METAP1D: variants seen among roughly 807,000 people sequenced by gnomAD.
METAP1D encodes methionyl aminopeptidase type 1D, mitochondrial.
METAP1D carries 31 observed loss-of-function variants against 40.5 expected under a neutral mutation model. The ratio of observed to expected loss-of-function variants is 0.77; its 90% CI spans 0.58 to 1.03. The LOEUF is 1.03. Ranked by LOEUF, METAP1D falls within the 50% of genes least tolerant of loss-of-function variation. METAP1D has a pLI of 0.00. For missense variants in METAP1D, 411 were observed against 420.7 expected (o/e 0.98, Z 0.20); for synonymous variants, 151 against 146.4 (o/e 1.03, Z -0.22).
intron 1 of METAP1D, among the ~76,000 whole-genome samples, chr2:172,052,251 T>A (rs750168943): frequency 5.9e-5 from 9 of 152,210 alleles, no homozygotes; most frequent in Non-Finnish European, 1.2e-4. Context: ...GCCAAAAAAA[T>A]GTTTTTTAAA....
intron 1 of METAP1D, among the ~76,000 whole-genome samples, chr2:172,035,398 T>TCGTG (rs113813981): frequency 8.5e-4 from 129 of 152,168 alleles, no homozygotes; most frequent in Middle Eastern, 3.4e-3. Flanking sequence ...TCTCCTGACC[T>TCGTG]CGTGATCCTA....
intron 1 of METAP1D, among the ~76,000 whole-genome samples, chr2:172,013,665 G>A (rs773988874): frequency 2.0e-5 from 3 of 152,072 alleles, no homozygotes; most frequent in African/African-American, 7.2e-5. Context: ...GGAAATTTGC[G>A]TGTGAAAGAG....
intron 1 of METAP1D, among the ~76,000 whole-genome samples, chr2:172,019,281 T>C (rs1688953033): frequency 6.6e-6 from 1 of 152,008 alleles, no homozygotes; most frequent in Admixed American, 6.6e-5. Context: ...GAGCTGCCAC[T>C]GCATTGTACT....
At chr2:172,021,183 A>G (rs972904040) in intron 1 of METAP1D, among the ~76,000 whole-genome samples, 29 of 152,284 alleles carry the variant, frequency 1.9e-4, no homozygotes, top group African/African-American at 6.3e-4. Context: ...GTTTAGGTAA[A>G]AAGATATTGG....
intron 1 of METAP1D, among the ~76,000 whole-genome samples, chr2:172,006,333 G>A (rs1346262460): frequency 6.6e-6 from 1 of 152,024 alleles, no homozygotes; most frequent in Non-Finnish European, 1.5e-5. Context: ...ACAGGCACCT[G>A]CCACCACGCC....
chr2:172,068,700 G>A (rs1300841017), intron 5 of METAP1D, among the ~76,000 whole-genome samples: 1 of 151,594 alleles, frequency 6.6e-6, no homozygotes, highest in Non-Finnish European at 1.5e-5. Flanking sequence ...TTTAAGTAGA[G>A]GCTGGGTTTA....
At chr2:172,032,234 T>G (rs942377386) in intron 1 of METAP1D, among the ~76,000 whole-genome samples, 1 of 152,164 alleles carries the variant, frequency 6.6e-6, no homozygotes, top group Non-Finnish European at 1.5e-5. Flanking sequence ...AAGAAAAGAA[T>G]AGAAAAGATA....
At chr2:172,045,530 G>A (rs1327457468) in intron 1 of METAP1D, among the ~76,000 whole-genome samples, 10 of 148,650 alleles carry the variant, frequency 6.7e-5, no homozygotes, top group African/African-American at 2.0e-4. Flanking sequence ...GCGTGGTGGC[G>A]CACGCCTCTA....
intron 1 of METAP1D, among the ~76,000 whole-genome samples, chr2:172,011,840 AT>A (rs1688730380): frequency 6.6e-6 from 1 of 152,180 alleles, no homozygotes; most frequent in Non-Finnish European, 1.5e-5. Context: ...GCTACTATGA[AT>A]ATTTGTGTAT....
At chr2:172,061,945 T>C in intron 2 of METAP1D, 1 of 194,536 alleles carries the variant, frequency 5.1e-6, no homozygotes, top group Admixed American at 6.1e-5. Context: ...AAACTATACG[T>C]ATGTAGTTTT....
At chr2:172,027,566 C>A (rs547654822) in intron 1 of METAP1D, among the ~76,000 whole-genome samples, 83 of 152,168 alleles carry the variant, frequency 5.5e-4, no homozygotes, top group African/African-American at 1.8e-3. Context: ...AGAATGTATC[C>A]CTGTTGTTAA....
chr2:172,041,726 T>TTATATA (rs67708838), intron 1 of METAP1D, among the ~76,000 whole-genome samples: 985 of 37,466 alleles, frequency 0.026, 56 homozygotes, highest in Non-Finnish European at 0.033. Context: ...TCTAATTATT[T>TTATATA]TATATATATA....
intron 1 of METAP1D, among the ~76,000 whole-genome samples, chr2:172,005,542 A>ATT (rs1688559359): frequency 8.7e-6 from 1 of 114,800 alleles, no homozygotes; most frequent in African/African-American, 2.8e-5. Flanking sequence ...ATATATATAT[A>ATT]TATCTTTTTT....
At chr2:172,036,190 G>GCATA (rs1689377920) in intron 1 of METAP1D, among the ~76,000 whole-genome samples, 2 of 149,694 alleles carry the variant, frequency 1.3e-5, no homozygotes, top group Non-Finnish European at 3.0e-5. Context: ...GGTGGCGGGT[G>GCATA]CCTGTAGTCC....
At chr2:172,079,687 C>A (rs1203418077) in intron 8 of METAP1D, among the ~76,000 whole-genome samples, 1 of 152,128 alleles carries the variant, frequency 6.6e-6, no homozygotes, top group Non-Finnish European at 1.5e-5. Context: ...CTGTTTCTGA[C>A]TGTGGGACTT....
At chr2:172,003,673 A>G (rs934003528) in intron 1 of METAP1D, among the ~76,000 whole-genome samples, 6 of 152,160 alleles carry the variant, frequency 3.9e-5, no homozygotes, top group South Asian at 2.1e-4. Context: ...CTGTGAGTCA[A>G]TTAAACCCCT....
chr2:172,068,387 C>A (rs895621220), intron 5 of METAP1D, among the ~76,000 whole-genome samples: 6 of 151,996 alleles, frequency 3.9e-5, no homozygotes, highest in Non-Finnish European at 5.9e-5. Flanking sequence ...GAGCGAGACT[C>A]TGTCTCAAAA....
At chr2:172,064,320 T>C (rs1690200867) in intron 3 of METAP1D, 2 of 153,432 alleles carry the variant, frequency 1.3e-5, no homozygotes, top group African/African-American at 4.8e-5. Flanking sequence ...GTAGGTAATA[T>C]AGCAGTGTAA....
intron 1 of METAP1D, among the ~76,000 whole-genome samples, chr2:172,024,588 A>AC (rs1689081585): frequency 6.6e-6 from 1 of 150,454 alleles, no homozygotes; most frequent in African/African-American, 2.5e-5. Flanking sequence ...CAAGCAGGTA[A>AC]CCCCCCGCTA....
Sources: allele counts gnomAD v4.1 joint callset (sites outside exome capture counted in the v4.1 genomes callset), GRCh38; gene constraint gnomAD v4.1.1; transcripts MANE v1.5; gene names NCBI Gene and HGNC (gene_info 2026-07-23, HGNC 2026-07-21).